DZIP1: variants seen among roughly 807,000 people sequenced by gnomAD.
The protein encoded by DZIP1 is DAZ interacting zinc finger protein 1.
Under a neutral mutation model 107.6 loss-of-function variants are expected in DZIP1, and 97 were observed. The observed-to-expected ratio is 0.90, with a 90% confidence interval of 0.77 to 1.07. The LOEUF (loss-of-function observed/expected upper bound fraction) is 1.07. Among genes scored for constraint, DZIP1 ranks in the 50% least tolerant of loss-of-function variants. DZIP1 has a pLI of 0.00. For missense variants in DZIP1, 1,035 were observed against 1,063.6 expected (o/e 0.97, Z 0.37); for synonymous variants, 390 against 386.4 (o/e 1.01, Z -0.11).
chr13:95,634,404 T>G (rs908923276), intron 5 of DZIP1, among the ~76,000 whole-genome samples: 1 of 138,706 alleles, frequency 7.2e-6, no homozygotes, highest in Admixed American at 7.8e-5. Flanking sequence ...ACTTGTTTAT[T>G]GTCTCTAGCC....
intron 10 of DZIP1, 63 bp from the exon 11 acceptor site, chr13:95,612,240 G>A (rs2045036348): frequency 1.3e-6 from 2 of 1,559,852 alleles, no homozygotes; most frequent in Non-Finnish European, 1.7e-6. Context: ...TCATTCTCCA[G>A]ATTTCAGGTA....
intron 14 of DZIP1, among the ~76,000 whole-genome samples, chr13:95,605,021 G>A (rs1263133079): frequency 2.6e-5 from 4 of 152,142 alleles, no homozygotes; most frequent in African/African-American, 7.2e-5. Context: ...TACACATTAC[G>A]TATTGTGATC....
Position 95,641,488 on chromosome 13 carries a change from T to A in DZIP1, c.404A>T (p.Gln135Leu). 1 of 1,614,116 alleles carries A rather than the reference T, an allele frequency of 6.2e-7. No individual in the cohort carries two copies. The highest frequency in any genetic ancestry group is 8.5e-7 in the Non-Finnish European group (1 of 1,180,000). ...QFTIEYLLHSQEFLTSQLHTL... is the reference protein window; with the variant it reads ...QFTIEYLLHSLEFLTSQLHTL... Reference sequence around the variant, plus strand: ...GTGCAGCTGCGAGGTGAGGAACTCTTGTGAGTGCAGCAAGTACTCGATGGT... The same window carrying A: ...GTGCAGCTGCGAGGTGAGGAACTCTAGTGAGTGCAGCAAGTACTCGATGGT... Residue 135 changes from glutamine (Q) to leucine (L), a missense_variant, in exon 5 of 23, where the codon CAA (glutamine) becomes CTA (leucine). Transcript: ENST00000376829. The surrounding 1 kb of genome is among the most constrained non-coding windows in gnomAD (Gnocchi z 4.3).
At chr13:95,605,285 C>A (rs376476894) in intron 14 of DZIP1, among the ~76,000 whole-genome samples, 1 of 152,144 alleles carries the variant, frequency 6.6e-6, no homozygotes, top group South Asian at 2.1e-4. Context: ...GTATGTGAGA[C>A]TGGAAAAAGA....
At position 95,580,625 on chromosome 13, in the gene DZIP1, A is replaced by T. The variant is rs1429947410; in HGVS notation, c.*1609T>A. 1 of 152,160 alleles carries T rather than the reference A, an allele frequency of 6.6e-6. No individual in the cohort carries two copies. Among genetic ancestry groups the T allele is most frequent in the Non-Finnish European group, 1.5e-5 (1 of 68,028 alleles). 9.4% of individuals were successfully genotyped at this position (152,160 alleles called of 1,614,324 possible). On this transcript the variant is annotated 3_prime_UTR_variant, in exon 23 of 23. Coordinates refer to ENST00000376829, the MANE Select transcript of DZIP1 (RefSeq NM_198968.4). ...GGATTATAACAATAACTACATCGCAAAGTTGTTGTAATTAAATGAATTAGT... is the reference window on the plus strand; with the variant it reads ...GGATTATAACAATAACTACATCGCATAGTTGTTGTAATTAAATGAATTAGT...
At chr13:95,609,717 A>G (rs968742893) in intron 12 of DZIP1, among the ~76,000 whole-genome samples, 1 of 152,246 alleles carries the variant, frequency 6.6e-6, no homozygotes. Flanking sequence ...TCAAATATTT[A>G]TGATATCTAG....
In DZIP1 at chr13:95,624,917, G is replaced by T. The variant is rs1876351043; in HGVS notation, c.823C>A (p.Gln275Lys). Residue 275 changes from glutamine (Q) to lysine (K), a missense_variant, in exon 8 of 23, where the codon CAG becomes AAG. Coordinates refer to ENST00000376829, the MANE Select transcript of DZIP1 (RefSeq NM_198968.4). ...AVRFSKEYEMQKTKEEDFLKL... is the reference protein window; with the variant it reads ...AVRFSKEYEMKKTKEEDFLKL... ...AAAAAGTCTTCCTCTTTTGTTTTCT[G>T]CATTTCATATTCCTGAAATTATTTT... 2 of 1,599,242 alleles carry T rather than the reference G, an allele frequency of 1.3e-6. No homozygotes were observed. The highest frequency in any genetic ancestry group is 1.7e-6 in the Non-Finnish European group (2 of 1,175,758).
chr13:95,589,147 T>C lies in DZIP1; in HGVS notation c.2027+7A>G. On this transcript the variant is annotated splice_region_variant and intron_variant, in intron 19 of 22. Coordinates refer to ENST00000376829, the MANE Select transcript of DZIP1 (RefSeq NM_198968.4). ...TAAATGACCCTCCCATCCCTGTCAATACTCACGTAATAGTTGAAGACTTTC... is the reference window on the plus strand; with the variant it reads ...TAAATGACCCTCCCATCCCTGTCAACACTCACGTAATAGTTGAAGACTTTC... 1 of 1,604,962 alleles carries C rather than the reference T, an allele frequency of 6.2e-7. No homozygotes were observed. The highest frequency in any genetic ancestry group is 8.5e-7 in the Non-Finnish European group (1 of 1,176,470).
At chr13:95,631,351 C>T (rs1450599219) in intron 6 of DZIP1, among the ~76,000 whole-genome samples, 1 of 152,060 alleles carries the variant, frequency 6.6e-6, no homozygotes, top group African/African-American at 2.4e-5. Context: ...CCCGTAGTCC[C>T]AGCTACTTGG....
rs2043970489 is a variant in DZIP1, at chr13:95,578,527, ATT to A, written c.*3705_*3706del. On this transcript the variant is annotated 3_prime_UTR_variant, in exon 23 of 23. Coordinates refer to ENST00000376829, the MANE Select transcript of DZIP1 (RefSeq NM_198968.4). ...TTTTTTTAAGTATTCTACAACATTT[ATT>A]TAAAAAGGTAAATCTTTTTGTTGAA... is the stretch of plus-strand genomic sequence containing the variant. 1 of 152,244 alleles carries A rather than the reference ATT, an allele frequency of 6.6e-6. No homozygotes were observed. 9.4% of individuals were successfully genotyped at this position (152,244 alleles called of 1,614,324 possible).
intron 13 of DZIP1, 70 bp downstream of exon 13, chr13:95,609,387 G>C: frequency 9.6e-7 from 1 of 1,041,502 alleles, no homozygotes; most frequent in African/African-American, 1.7e-5. Flanking sequence ...AAAATAGTAA[G>C]TAAAAGTTAT....
At chr13:95,599,456 A>G (rs1424418996) in intron 14 of DZIP1, 32 bp from the exon 15 acceptor site, 1 of 1,523,948 alleles carries the variant, frequency 6.6e-7, no homozygotes, top group Non-Finnish European at 9.1e-7. Flanking sequence ...AACAGTACAA[A>G]CAGGACAACA....
chr13:95,595,781 C>T (rs572369833), intron 15 of DZIP1, among the ~76,000 whole-genome samples: 1 of 152,280 alleles, frequency 6.6e-6, no homozygotes, highest in Non-Finnish European at 1.5e-5. Context: ...AGGACGTACA[C>T]AGAAGCGTTG....
rs567786993 is a variant in DZIP1 at position 95,641,223 on chromosome 13, C to G, written c.597+72G>C. ...TCTTTAAGAAGAAAGAGTGGTGATA[C>G]GGGACAGGCCTATCAAATGGGAACT... is the stretch of plus-strand genomic sequence containing the variant. On this transcript the variant is annotated intron_variant, in intron 5 of 22. Transcript: ENST00000376829. The surrounding 1 kb of genome is among the most constrained non-coding windows in gnomAD (Gnocchi z 4.3). 2 of 1,498,926 alleles carry G rather than the reference C, an allele frequency of 1.3e-6. No individual in the cohort carries two copies. Among genetic ancestry groups the G allele is most frequent in the Admixed American group, 2.3e-5 (1 of 42,988 alleles). The allele number at this position is 1,498,926 out of a possible 1,614,324, so 92.9% of individuals were successfully genotyped here.
chr13:95,635,394 A>G (rs2139420550), intron 5 of DZIP1, among the ~76,000 whole-genome samples: 1 of 151,908 alleles, frequency 6.6e-6, no homozygotes, highest in Non-Finnish European at 1.5e-5. Context: ...ATGGAGTTTC[A>G]CCATGTTGGC....
At chr13:95,599,752 T>C (rs2044560067) in intron 14 of DZIP1, among the ~76,000 whole-genome samples, 1 of 152,220 alleles carries the variant, frequency 6.6e-6, no homozygotes, top group African/African-American at 2.4e-5. Context: ...TCATTACTTA[T>C]AAAGTATTTC....
At chr13:95,600,580 G>C (rs901321273) in intron 14 of DZIP1, among the ~76,000 whole-genome samples, 7 of 146,046 alleles carry the variant, frequency 4.8e-5, no homozygotes, top group African/African-American at 1.7e-4. Context: ...GATAGAGATA[G>C]ATAGATAGAT....
intron 14 of DZIP1, 48 bp downstream of exon 14, chr13:95,605,955 C>G (rs763898227): frequency 2.5e-6 from 4 of 1,580,798 alleles, no homozygotes; most frequent in Non-Finnish European, 3.5e-6. Context: ...TTATCCAACT[C>G]AGGGTGGCAA....
At position 95,633,151 on chromosome 13, in the gene DZIP1, G is replaced by A. The variant is rs539334566; in HGVS notation, c.685+83C>T. On this transcript the variant is annotated intron_variant, in intron 6 of 22. Coordinates refer to ENST00000376829, the MANE Select transcript of DZIP1 (RefSeq NM_198968.4). Reference sequence around the variant, plus strand: ...CGTGATGCTTCTTTTAAGAGGACTGGGAAATGCACTGGACCAAGTCTCATT... The same window carrying A: ...CGTGATGCTTCTTTTAAGAGGACTGAGAAATGCACTGGACCAAGTCTCATT... 3.9e-6 allele frequency: 5 copies of A among 1,272,570 alleles called. No homozygotes were observed. The South Asian group carries it at 6.3e-5, about 16-fold the overall frequency. 78.8% of individuals were successfully genotyped at this position (1,272,570 alleles called of 1,614,324 possible).
Sources: gnomAD v4.1 joint callset for allele counts (sites outside exome capture counted in the v4.1 genomes callset) on GRCh38, gnomAD v4.1.1 for gene constraint, Gnocchi (gnomAD v3.1) non-coding constraint, MANE v1.5 for transcripts, NCBI Gene and HGNC (gene_info 2026-07-23, HGNC 2026-07-21) for gene names.